Variants in SSTR5 observed in about 807,000 individuals in gnomAD.
SSTR5 encodes the protein somatostatin receptor 5.
A neutral mutation model predicts 0.3 loss-of-function variants in SSTR5; 1 was observed. The ratio of observed to expected loss-of-function variants is 2.98; its 90% confidence interval spans 1.06 to 14.15. The LOEUF (loss-of-function observed/expected upper bound fraction) is 14.15. Ranked by LOEUF, SSTR5 falls within the 30% of genes most tolerant of loss-of-function variation. SSTR5 has a pLI of 0.12. For synonymous variants in SSTR5, 256 were observed against 263.1 expected, an observed-to-expected ratio of 0.97 and a Z score of 0.26; for missense variants, 516 against 543.2, an observed-to-expected ratio of 0.95 and a Z score of 0.50.
chr16:1,075,436 G>A (rs925033932), intron 1 of SSTR5, among the ~76,000 whole-genome samples: 8 of 152,086 alleles, frequency 5.3e-5, no homozygotes, highest in Non-Finnish European at 1.2e-4. Context: ...GCACCACTTC[G>A]ATCCAGCTCG....
At chr16:1,076,361 T>A (rs1960212498) in intron 1 of SSTR5, among the ~76,000 whole-genome samples, 1 of 120,340 alleles carries the variant, frequency 8.3e-6, no homozygotes, top group Non-Finnish European at 1.7e-5. Flanking sequence ...CCCCGGGGTC[T>A]GCGTGGAGGC....
rs751156953 is a variant in SSTR5, at chr16:1,079,603, G to A, written c.735G>A (p.Lys245=). 11 of 1,611,534 alleles carry A rather than the reference G, an allele frequency of 6.8e-6. No homozygotes were observed. The highest frequency in any genetic ancestry group is 8.5e-6 in the Non-Finnish European group (10 of 1,179,078). ...GCGTGCGGCGGCGCTCGGAGCGGAA[G>A]GTGACGCGCATGGTGTTGGTGGTGG... ...VGCVRRRSER[K]VTRMVLVVVL... is the part of the protein sequence containing the mutation. Residue 245 remains lysine (K), a synonymous_variant, in exon 2 of 2, where the codon AAG becomes AAA. Coordinates refer to ENST00000689027, the MANE Select transcript of SSTR5 (RefSeq NM_001172560.3).
rs1366901099 is a variant in SSTR5, at chr16:1,081,318, C to G, written c.*1355C>G. ...AGCAGGACCTCAACCTCCTGGAGGG[C>G]ACAGGGAGCGGCTGAGTGGGCACAA... is the stretch of plus-strand genomic sequence containing the variant. On this transcript the variant is annotated 3_prime_UTR_variant, in exon 2 of 2. Transcript: ENST00000689027. 5.7e-6 allele frequency: 2 copies of G among 350,586 alleles called. No individual in the cohort carries two copies. Among genetic ancestry groups the G allele is most frequent in the Non-Finnish European group, 5.9e-6 (1 of 169,738 alleles). 21.7% of individuals were successfully genotyped at this position (350,586 alleles called of 1,614,324 possible). A position where few individuals can be genotyped will look rare whatever the true frequency, so the allele number is the denominator to read the frequency against.
At chr16:1,073,358 C>T (rs1004340226) in intron 1 of SSTR5, 5 of 152,300 alleles carry the variant, frequency 3.3e-5, no homozygotes, top group African/African-American at 9.6e-5. Flanking sequence ...GGGGAGGATC[C>T]GCAATTTGGG....
intron 1 of SSTR5, among the ~76,000 whole-genome samples, chr16:1,074,148 C>T (rs1027987721): frequency 6.6e-6 from 1 of 152,188 alleles, no homozygotes; most frequent in Non-Finnish European, 1.5e-5. Context: ...GCCACCCTTA[C>T]GACAGAGGAA....
rs925280320 is a variant in SSTR5, at chr16:1,081,200, G to A, written c.*1237G>A. ...CCTTGGCCTTGCTCTGAGGCTGGAA[G>A]GAGAAGGACCAGGGTGCGGCATCAC... On this transcript the variant is annotated 3_prime_UTR_variant, in exon 2 of 2. Coordinates refer to ENST00000689027, the MANE Select transcript of SSTR5 (RefSeq NM_001172560.3). The A allele has an allele frequency of 2.2e-5, 10 of 460,982 alleles. No homozygotes were observed. Among genetic ancestry groups the A allele is most frequent in the African/African-American group, 1.8e-4 (9 of 49,580 alleles). 28.6% of individuals were successfully genotyped at this position (460,982 alleles called of 1,614,324 possible). A position where few individuals can be genotyped will look rare whatever the true frequency, so the allele number is the denominator to read the frequency against.
At chr16:1,077,141 C>G (rs968077773) in intron 1 of SSTR5, among the ~76,000 whole-genome samples, 1 of 152,198 alleles carries the variant, frequency 6.6e-6, no homozygotes, top group Admixed American at 6.5e-5. Context: ...AGCCCCCAGC[C>G]AGGACTGTGG....
At position 1,078,855 on chromosome 16, in the gene SSTR5, C is replaced by A; in HGVS notation, c.-14C>A. The A allele has an allele frequency of 6.2e-7, 1 of 1,603,546 alleles. No homozygotes were observed. The highest frequency in any genetic ancestry group is 2.2e-5 in the East Asian group (1 of 44,838). The stretch of plus-strand genomic sequence containing the variant: ...CTTCTCTTGCAGAGCCTGACGCACC[C>A]CAGGGCTGCCGCCATGGAGCCCCTG... On this transcript the variant is annotated 5_prime_UTR_variant, in exon 2 of 2. Transcript: ENST00000689027.
Position 1,079,808 on chromosome 16 carries a change from A to C in SSTR5, c.940A>C (p.Ser314Arg), listed in dbSNP as rs1960322722. 1 of 1,612,212 alleles carries C rather than the reference A, an allele frequency of 6.2e-7. No individual in the cohort carries two copies. The highest frequency in any genetic ancestry group is 1.1e-5 in the South Asian group (1 of 91,086). ...YGFLSDNFRQSFQKVLCLRKG... is the reference protein window; with the variant it reads ...YGFLSDNFRQRFQKVLCLRKG... ...CTTCCTCTCTGACAACTTCCGCCAG[A>C]GCTTCCAGAAGGTTCTGTGCCTCCG... The change falls in exon 2 of 2, where the codon AGC (serine) becomes CGC (arginine). Residue 314 changes from serine (S) to arginine (R), a missense_variant. By Grantham distance (110) the Ser-to-Arg change is moderately radical. Transcript: ENST00000689027.
intron 1 of SSTR5, chr16:1,078,305 G>A (rs1254013572): frequency 6.3e-6 from 1 of 159,002 alleles, no homozygotes; most frequent in African/African-American, 2.4e-5. Flanking sequence ...GGCTGCGGTG[G>A]CGACACCACG....
chr16:1,079,711 C>G lies in SSTR5; in HGVS notation c.843C>G (p.Ala281=). ...CCGTGGCGCTGCCCCAGGAGCCCGC[C>G]TCCGCCGGCCTCTACTTCTTCGTGG... The part of the protein sequence containing the change: ...NLAVALPQEP[A]SAGLYFFVVI... The change falls in exon 2 of 2, where the codon GCC becomes GCG. Residue 281 remains alanine (A), a synonymous_variant. Coordinates refer to ENST00000689027, the MANE Select transcript of SSTR5 (RefSeq NM_001172560.3). 6.2e-7 allele frequency: 1 copy of G among 1,612,042 alleles called. No homozygotes were observed. The highest frequency in any genetic ancestry group is 1.3e-5 in the African/African-American group (1 of 75,050).
chr16:1,076,355 G>A (rs201610737), intron 1 of SSTR5, among the ~76,000 whole-genome samples: 4 of 62,168 alleles, frequency 6.4e-5, no homozygotes, highest in Non-Finnish European at 9.7e-5. Flanking sequence ...CTCCCACCCC[G>A]GGGTCTGCGT....
intron 1 of SSTR5, chr16:1,078,577 C>T (rs961377384): frequency 2.7e-5 from 14 of 511,998 alleles, no homozygotes; most frequent in South Asian, 4.2e-5. Context: ...GGTGCAGGGG[C>T]GGCCACAGGG....
intron 1 of SSTR5, among the ~76,000 whole-genome samples, chr16:1,077,366 A>T (rs539559545): frequency 7.2e-5 from 11 of 152,346 alleles, no homozygotes; most frequent in Non-Finnish European, 1.5e-4. Flanking sequence ...CCCCAGAGTC[A>T]CACAGCTCCA....
chr16:1,073,822 C>T (rs1960138591), intron 1 of SSTR5, among the ~76,000 whole-genome samples: 1 of 152,228 alleles, frequency 6.6e-6, no homozygotes, highest in Non-Finnish European at 1.5e-5. Flanking sequence ...CTGCCAGAGC[C>T]TCCTGGGCAG....
intron 1 of SSTR5, 86 bp from the exon 2 acceptor site, chr16:1,078,756 C>A: frequency 7.4e-7 from 1 of 1,346,690 alleles, no homozygotes. Flanking sequence ...TCCTGGCAGG[C>A]GGGGCTGGGG....
intron 1 of SSTR5, among the ~76,000 whole-genome samples, chr16:1,074,885 T>G (rs1960162237): frequency 6.6e-6 from 1 of 152,052 alleles, no homozygotes; most frequent in Non-Finnish European, 1.5e-5. Flanking sequence ...TTTGCAGGAG[T>G]TGCCTATCCC....
At chr16:1,074,248 C>T (rs757592729) in intron 1 of SSTR5, among the ~76,000 whole-genome samples, 74 of 152,342 alleles carry the variant, frequency 4.9e-4, no homozygotes, top group Non-Finnish European at 8.8e-4. Flanking sequence ...GGGTGTCCCC[C>T]GACGTTTGCC....
Position 1,079,693 on chromosome 16 carries a change from G to T in SSTR5, c.825G>T (p.Ala275=), listed in dbSNP as rs541224046. 1.2e-6 allele frequency: 2 copies of T among 1,612,168 alleles called. No individual in the cohort carries two copies. The highest frequency in any genetic ancestry group is 3.3e-5 in the Admixed American group (2 of 60,004). The change falls in exon 2 of 2, where the codon GCG becomes GCT. Residue 275 remains alanine (A), a synonymous_variant. Transcript: ENST00000689027. ...TCAACATCGTCAACCTGGCCGTGGCGCTGCCCCAGGAGCCCGCCTCCGCCG... is the reference window on the plus strand; with the variant it reads ...TCAACATCGTCAACCTGGCCGTGGCTCTGCCCCAGGAGCCCGCCTCCGCCG... ...FTVNIVNLAV[A]LPQEPASAGL...
Sources: gnomAD v4.1 joint callset for allele counts (sites outside exome capture counted in the v4.1 genomes callset) on GRCh38, gnomAD v4.1.1 for gene constraint, MANE v1.5 for transcripts, NCBI Gene and HGNC (gene_info 2026-07-23, HGNC 2026-07-21) for gene names.